Variants in SUMF1 observed in about 807,000 individuals in gnomAD.
The protein encoded by SUMF1 is formylglycine-generating enzyme.
SUMF1 carries 48 observed loss-of-function variants against 47.6 expected under a neutral mutation model. The observed-to-expected ratio is 1.01, with a 90% CI of 0.80 to 1.28. The LOEUF is 1.28. SUMF1 is among the 50% of genes most tolerant of loss of function. The pLI is 0.00. For missense variants in SUMF1, 571 were observed against 485.4 expected (o/e 1.18, Z -1.66); for synonymous variants, 230 against 192.1 (o/e 1.20, Z -1.63).
chr3:4,146,139 T>G (rs956729452), intron 8 of SUMF1, among the ~76,000 whole-genome samples: 2 of 152,084 alleles, frequency 1.3e-5, no homozygotes, highest in Non-Finnish European at 2.9e-5. Context: ...ATATCATTAC[T>G]GCTGAGAGAA....
intron 7 of SUMF1, among the ~76,000 whole-genome samples, chr3:4,403,475 C>T (rs549436454): frequency 8.6e-5 from 13 of 151,878 alleles, no homozygotes; most frequent in Non-Finnish European, 1.9e-4. Flanking sequence ...ACTGGGTTGC[C>T]CTGAATTGCA....
At chr3:4,286,097 A>G (rs557494678) in intron 8 of SUMF1, among the ~76,000 whole-genome samples, 32 of 152,100 alleles carry the variant, frequency 2.1e-4, no homozygotes, top group Non-Finnish European at 3.8e-4. Context: ...TTATATGCTT[A>G]AATTATATAG....
At chr3:4,059,646 G>C (rs1695245349) in intron 9 of SUMF1, among the ~76,000 whole-genome samples, 1 of 151,906 alleles carries the variant, frequency 6.6e-6, no homozygotes, top group Admixed American at 6.6e-5. Context: ...AGTATACGCA[G>C]TCACAATGGT....
At chr3:4,128,602 T>C (rs1255236913) in intron 8 of SUMF1, among the ~76,000 whole-genome samples, 2 of 152,130 alleles carry the variant, frequency 1.3e-5, no homozygotes, top group Non-Finnish European at 2.9e-5. Context: ...TCTAGACCTA[T>C]CACTAAAGTA....
chr3:4,054,483 C>T (rs1695160414), intron 9 of SUMF1, among the ~76,000 whole-genome samples: 2 of 152,162 alleles, frequency 1.3e-5, no homozygotes, highest in Admixed American at 1.3e-4. Context: ...ATCAGTCTCC[C>T]ATCCTCTGAA....
intron 8 of SUMF1, among the ~76,000 whole-genome samples, chr3:4,374,802 G>C (rs901962033): frequency 6.6e-6 from 1 of 152,184 alleles, no homozygotes; most frequent in Non-Finnish European, 1.5e-5. Flanking sequence ...TAAAGACTCT[G>C]ATGTATACGT....
At chr3:4,448,578 G>C (rs1053426206) in intron 3 of SUMF1, among the ~76,000 whole-genome samples, 1 of 152,136 alleles carries the variant, frequency 6.6e-6, no homozygotes, top group Non-Finnish European at 1.5e-5. Flanking sequence ...ATTTTCAAGA[G>C]ACATGTAAGC....
intron 1 of SUMF1, among the ~76,000 whole-genome samples, chr3:4,460,575 T>A (rs1459339564): frequency 3.3e-5 from 5 of 151,012 alleles, no homozygotes; most frequent in African/African-American, 1.2e-4. Flanking sequence ...CATATCCCTC[T>A]AGCTCATGTG....
chr3:4,420,647 C>T (rs1452470100), intron 3 of SUMF1, among the ~76,000 whole-genome samples: 4 of 152,130 alleles, frequency 2.6e-5, no homozygotes, highest in African/African-American at 7.2e-5. Flanking sequence ...CCGCCCGCCT[C>T]GGCCTCCCAA....
chr3:4,245,243 A>G (rs1002115742), intron 8 of SUMF1, among the ~76,000 whole-genome samples: 3 of 151,970 alleles, frequency 2.0e-5, no homozygotes, highest in African/African-American at 4.8e-5. Context: ...ACTTCTGTCA[A>G]CTCAAACTCA....
chr3:4,266,893 C>T lies in SUMF1; in HGVS notation c.1014+109437G>A, dbSNP rs1352428123. Among the ~76,000 whole-genome samples the T allele has an allele frequency of 4.7e-5, 7 of 149,004 alleles. No homozygotes were observed. In the East Asian group the frequency reaches 7.8e-4, roughly 17 times the overall value. ...AGATAGCTCTTATTATTTTGAGATA[C>T]GTCCCATCAATACCTAATTTATTGA... On this transcript the variant is annotated intron_variant and NMD_transcript_variant, in intron 8 of 12. Coordinates refer to the SUMF1 transcript ENST00000448413.
chr3:4,426,855 T>A (rs1364153608), intron 3 of SUMF1, among the ~76,000 whole-genome samples: 3 of 152,208 alleles, frequency 2.0e-5, no homozygotes, highest in Admixed American at 6.5e-5. Flanking sequence ...CATGACCTAT[T>A]TCTAGTCAAC....
chr3:4,322,556 G>T (rs1698858893), intron 8 of SUMF1, among the ~76,000 whole-genome samples: 1 of 151,872 alleles, frequency 6.6e-6, no homozygotes, highest in African/African-American at 2.4e-5. Flanking sequence ...GCTACTTAGG[G>T]GTCTGAAGCA....
intron 8 of SUMF1, among the ~76,000 whole-genome samples, chr3:4,177,748 A>G (rs919019822): frequency 2.0e-5 from 3 of 152,292 alleles, no homozygotes; most frequent in African/African-American, 7.2e-5. Flanking sequence ...CAGTGAATCC[A>G]GGAGCTGGTT....
chr3:4,141,644 C>T (rs1406658641), intron 8 of SUMF1, among the ~76,000 whole-genome samples: 2 of 152,164 alleles, frequency 1.3e-5, no homozygotes, highest in East Asian at 3.9e-4. Flanking sequence ...CCCTGGGCAA[C>T]AGAGCAAGAT....
intron 8 of SUMF1, among the ~76,000 whole-genome samples, chr3:4,277,533 G>T (rs746683648): frequency 5.3e-5 from 8 of 151,986 alleles, no homozygotes; most frequent in Non-Finnish European, 1.2e-4. Context: ...AAAGAAGCAG[G>T]AGACAGGAAA....
chr3:4,165,716 G>A (rs1470300341), intron 8 of SUMF1, among the ~76,000 whole-genome samples: 1 of 151,942 alleles, frequency 6.6e-6, no homozygotes, highest in South Asian at 2.1e-4. Context: ...AGACCATGGT[G>A]CAGAAAAAAA....
intron 3 of SUMF1, among the ~76,000 whole-genome samples, chr3:4,437,820 T>C (rs370321177): frequency 7.9e-5 from 12 of 152,112 alleles, no homozygotes; most frequent in African/African-American, 2.9e-4. Flanking sequence ...ACTCCTGTAA[T>C]TCTAGCTACT....
intron 1 of SUMF1, among the ~76,000 whole-genome samples, chr3:4,460,380 C>T (rs1452938732): frequency 1.3e-5 from 2 of 152,108 alleles, no homozygotes; most frequent in African/African-American, 4.8e-5. Flanking sequence ...GACCATACTA[C>T]TTTCCTACTT....
Sources: gnomAD v4.1 joint callset for allele counts (sites outside exome capture counted in the v4.1 genomes callset) on GRCh38, gnomAD v4.1.1 for gene constraint, MANE v1.5 for transcripts, NCBI Gene and HGNC (gene_info 2026-07-23, HGNC 2026-07-21) for gene names.